Variants in TMEM132D observed in about 807,000 individuals in gnomAD.
TMEM132D encodes the protein mature OL transmembrane protein.
A neutral mutation model predicts 62.3 loss-of-function variants in TMEM132D; 21 were observed. The ratio of observed to expected loss-of-function variants is 0.34; its 90% CI spans 0.24 to 0.49. The LOEUF (loss-of-function observed/expected upper bound fraction) is 0.49. Among genes scored for constraint, TMEM132D ranks in the 20% least tolerant of loss-of-function variants. The probability of loss-of-function intolerance (pLI) is 0.99; values close to 1 mark genes in which losing one functional copy is unlikely to be tolerated. For missense variants in TMEM132D, 1,346 were observed against 1,402.8 expected, an observed-to-expected ratio of 0.96 and a Z score of 0.65; for synonymous variants, 621 against 575.6, an observed-to-expected ratio of 1.08 and a Z score of -1.13.
intron 2 of TMEM132D, among the ~76,000 whole-genome samples, chr12:129,647,857 G>A (rs1879827430): frequency 6.6e-6 from 1 of 152,112 alleles, no homozygotes; most frequent in South Asian, 2.1e-4. Context: ...ATATAACAGT[G>A]AGAAAATTAT....
chr12:129,342,963 T>G (rs560342243), intron 3 of TMEM132D, among the ~76,000 whole-genome samples: 1 of 152,260 alleles, frequency 6.6e-6, no homozygotes, highest in South Asian at 2.1e-4. Context: ...TAGGAACACT[T>G]TTACACTGTT....
chr12:129,877,412 G>A (rs752743378), intron 1 of TMEM132D, among the ~76,000 whole-genome samples: 2 of 152,000 alleles, frequency 1.3e-5, no homozygotes, highest in Admixed American at 6.6e-5. Context: ...TCTAAGGGCC[G>A]CTGGCTAGCA....
intron 1 of TMEM132D, chr12:129,854,892 T>C (rs2137360577): frequency 6.6e-6 from 1 of 152,396 alleles, no homozygotes; most frequent in African/African-American, 2.4e-5. Context: ...ACAGCCTCGG[T>C]CTACCAGATG....
At chr12:129,237,998 G>A (rs376770491) in intron 4 of TMEM132D, among the ~76,000 whole-genome samples, 1 of 152,240 alleles carries the variant, frequency 6.6e-6, no homozygotes, top group African/African-American at 2.4e-5. Context: ...TTTTAGCAGG[G>A]AAAGATGATG....
chr12:129,862,672 T>A (rs1454430078), intron 1 of TMEM132D, among the ~76,000 whole-genome samples: 1 of 152,200 alleles, frequency 6.6e-6, no homozygotes, highest in African/African-American at 2.4e-5. Flanking sequence ...GCTGGAGGAC[T>A]GTTTATTTGA....
intron 5 of TMEM132D, among the ~76,000 whole-genome samples, chr12:129,141,178 G>T (rs1876731687): frequency 2.0e-5 from 3 of 152,202 alleles, no homozygotes; most frequent in Admixed American, 2.0e-4. Flanking sequence ...CCACAAGAAA[G>T]TTGATGTCCT....
At position 129,731,306 on chromosome 12, in the gene TMEM132D, T is replaced by C. The variant is rs573669382; in HGVS notation, c.80-30608A>G. Among the ~76,000 whole-genome samples the C allele has an allele frequency of 5.3e-5, 8 of 151,980 alleles. No homozygotes were observed. In the South Asian group the frequency reaches 1.2e-3, roughly 24 times the overall value. ...ACTGCCCTCTCGAAACATACTGTCT[T>C]ATAGAGGCAGACTTAAAAAAAAATG... On this transcript the variant is annotated intron_variant, in intron 1 of 8. Transcript: ENST00000422113.
At chr12:129,187,094 C>T (rs1483865449) in intron 5 of TMEM132D, among the ~76,000 whole-genome samples, 12 of 152,214 alleles carry the variant, frequency 7.9e-5, no homozygotes, top group Non-Finnish European at 4.4e-5. Flanking sequence ...ACACGGCTAG[C>T]CTGGGTTTCC....
intron 3 of TMEM132D, among the ~76,000 whole-genome samples, chr12:129,473,798 G>A (rs1874174923): frequency 6.6e-6 from 1 of 152,190 alleles, no homozygotes; most frequent in African/African-American, 2.4e-5. Flanking sequence ...AACTGAACCT[G>A]CAGTATCTCC....
intron 4 of TMEM132D, among the ~76,000 whole-genome samples, chr12:129,241,806 C>T (rs1484378201): frequency 6.6e-6 from 1 of 152,130 alleles, no homozygotes; most frequent in East Asian, 1.9e-4. Context: ...GATAACAAAA[C>T]AGTAGTCTTC....
rs868160838 is a variant in TMEM132D, at chr12:129,074,315, C to T, written c.2860G>A (p.Glu954Lys). 1.2e-6 allele frequency: 2 copies of T among 1,613,992 alleles called. No homozygotes were observed. The highest frequency in any genetic ancestry group is 1.3e-5 in the African/African-American group (1 of 74,886). The stretch of plus-strand genomic sequence containing the variant: ...TGAGAGTGACTCATCCCTTCCTGCT[C>T]CTCGAAGGGAACCTGTTTGTGTCTG... ...KYRHKQVPFE[E>K]QEGMSHSHDW... Residue 954 changes from glutamate (E) to lysine (K), a missense_variant, in exon 9 of 9, where the codon GAG (glutamate) becomes AAG (lysine). Transcript: ENST00000422113.
At chr12:129,135,211 CT>C (rs1459214657) in intron 5 of TMEM132D, among the ~76,000 whole-genome samples, 1 of 152,192 alleles carries the variant, frequency 6.6e-6, no homozygotes, top group Admixed American at 6.5e-5. Context: ...CAGAGACAAA[CT>C]TCAGATCTCC....
intron 2 of TMEM132D, among the ~76,000 whole-genome samples, chr12:129,551,230 C>A (rs1221045616): frequency 2.6e-5 from 4 of 152,232 alleles, no homozygotes. Flanking sequence ...AAGTTCCTGA[C>A]CCACGGAATC....
At chr12:129,577,944 G>C (rs745784095) in intron 2 of TMEM132D, among the ~76,000 whole-genome samples, 1 of 152,200 alleles carries the variant, frequency 6.6e-6, no homozygotes, top group Non-Finnish European at 1.5e-5. Flanking sequence ...ATTAGCATTT[G>C]AATCAGCAGA....
chr12:129,420,082 C>A (rs924246431), intron 3 of TMEM132D, among the ~76,000 whole-genome samples: 1 of 152,012 alleles, frequency 6.6e-6, no homozygotes, highest in African/African-American at 2.4e-5. Flanking sequence ...GTACTGAGGT[C>A]CCAGAGGGCT....
At chr12:129,206,964 A>G (rs59949432) in intron 5 of TMEM132D, among the ~76,000 whole-genome samples, 10,009 of 152,152 alleles carry the variant, frequency 0.066, 858 homozygotes, top group East Asian at 0.44. Context: ...GAGGGTGGGA[A>G]GGGGAGAGGA....
intron 5 of TMEM132D, among the ~76,000 whole-genome samples, chr12:129,184,465 G>A (rs545709192): frequency 4.6e-5 from 7 of 152,308 alleles, no homozygotes; most frequent in Non-Finnish European, 7.4e-5. Context: ...TTTCTGGGCC[G>A]TCTGGCTGAT....
chr12:129,832,035 CTT>C (rs71085577), intron 1 of TMEM132D, among the ~76,000 whole-genome samples: 27 of 94,148 alleles, frequency 2.9e-4, no homozygotes, highest in African/African-American at 1.2e-3. Context: ...ATGCCCGGCT[CTT>C]TTTTTTTTTT....
At chr12:129,239,406 C>A (rs538064130) in intron 4 of TMEM132D, among the ~76,000 whole-genome samples, 1 of 152,194 alleles carries the variant, frequency 6.6e-6, no homozygotes, top group African/African-American at 2.4e-5. Context: ...GGTAAGGGCC[C>A]AACTTCATTC....
Sources: allele counts gnomAD v4.1 joint callset (sites outside exome capture counted in the v4.1 genomes callset), GRCh38; gene constraint gnomAD v4.1.1; transcripts MANE v1.5; gene names NCBI Gene and HGNC (gene_info 2026-07-23, HGNC 2026-07-21).